Variants in NUMB observed in about 807,000 individuals in gnomAD.
NUMB encodes the protein NUMB endocytic adaptor protein, also known as protein numb homolog.
Under a neutral mutation model 59.7 loss-of-function variants are expected in NUMB, and 29 were observed. The observed-to-expected ratio is 0.49, with a 90% CI of 0.36 to 0.66. The LOEUF (loss-of-function observed/expected upper bound fraction) is 0.66. NUMB is among the 30% of genes least tolerant of loss of function. The pLI, the probability that NUMB is intolerant of heterozygous loss-of-function variation, is 0.00. For synonymous variants in NUMB, 288 were observed against 288.2 expected (o/e 1.00, Z 0.01); for missense variants, 723 against 822.0 (o/e 0.88, Z 1.47).
intron 6 of NUMB, among the ~76,000 whole-genome samples, chr14:73,312,087 T>G (rs2139890268): frequency 1.3e-5 from 2 of 152,136 alleles, no homozygotes; most frequent in African/African-American, 4.8e-5. Flanking sequence ...AAAAAAAAAT[T>G]TTCCCCAATA....
intron 1 of NUMB, among the ~76,000 whole-genome samples, chr14:73,420,149 C>T (rs1897295884): frequency 6.6e-6 from 1 of 152,194 alleles, no homozygotes; most frequent in Non-Finnish European, 1.5e-5. Context: ...GTGTGAGCCA[C>T]GGCACCCAGC....
At chr14:73,445,654 G>A (rs1342442783) in intron 1 of NUMB, among the ~76,000 whole-genome samples, 4 of 152,026 alleles carry the variant, frequency 2.6e-5, no homozygotes, top group Admixed American at 1.3e-4. Flanking sequence ...ACATTTACTG[G>A]GCATTTACTA....
intron 11 of NUMB, among the ~76,000 whole-genome samples, chr14:73,280,789 G>C (rs947768593): frequency 1.3e-5 from 2 of 148,758 alleles, no homozygotes; most frequent in Non-Finnish European, 3.0e-5. Context: ...CGGCTCCCAG[G>C]TTCAAGCAAT....
At chr14:73,377,411 C>T (rs1219945373) in intron 2 of NUMB, among the ~76,000 whole-genome samples, 2 of 152,168 alleles carry the variant, frequency 1.3e-5, no homozygotes, top group African/African-American at 4.8e-5. Flanking sequence ...CCAAGGGGGG[C>T]AGGCAGATCA....
intron 1 of NUMB, among the ~76,000 whole-genome samples, chr14:73,443,050 T>C (rs1883182281): frequency 6.6e-6 from 1 of 152,022 alleles, no homozygotes; most frequent in African/African-American, 2.4e-5. Context: ...TTTGTAGAGA[T>C]GGAGTTTCAC....
chr14:73,364,782 C>T (rs1397240329), intron 3 of NUMB, among the ~76,000 whole-genome samples: 1 of 152,042 alleles, frequency 6.6e-6, no homozygotes, highest in Non-Finnish European at 1.5e-5. Flanking sequence ...GTATGTTGTA[C>T]CTCCACACCT....
intron 2 of NUMB, among the ~76,000 whole-genome samples, chr14:73,383,448 T>C (rs191186798): frequency 8.6e-4 from 131 of 151,822 alleles, no homozygotes; most frequent in African/African-American, 2.8e-3. Context: ...AAGAAAAAGA[T>C]AGAAAATACA....
rs575006048 is a variant in NUMB, at chr14:73,413,523, C to T, written c.-232-3455G>A. Among the ~76,000 whole-genome samples the T allele has an allele frequency of 2.9e-4, 44 of 151,466 alleles. 1 individual carries two copies. In the South Asian group the frequency reaches 7.7e-3, roughly 27 times the overall value. On this transcript the variant is annotated intron_variant, in intron 1 of 12. Coordinates refer to ENST00000555238, the MANE Select transcript of NUMB (RefSeq NM_001005743.2). ...TTGTAATCTCAGCACTTTGGGAGGT[C>T]GAGACGGGTGGATCACCTGAGGTCA...
At chr14:73,401,562 A>AAT (rs1896416182) in intron 2 of NUMB, among the ~76,000 whole-genome samples, 1 of 144,244 alleles carries the variant, frequency 6.9e-6, no homozygotes, top group African/African-American at 2.7e-5. Flanking sequence ...TGTAAGACTA[A>AAT]ATTTTTTTTT....
chr14:73,414,709 T>TG (rs1220399406), intron 1 of NUMB, among the ~76,000 whole-genome samples: 1 of 150,400 alleles, frequency 6.6e-6, no homozygotes, highest in Non-Finnish European at 1.5e-5. Flanking sequence ...CCGGTTTTTC[T>TG]GGGGGCGGGT....
At chr14:73,411,266 CTGAA>C (rs1299768832) in intron 1 of NUMB, among the ~76,000 whole-genome samples, 3 of 152,054 alleles carry the variant, frequency 2.0e-5, no homozygotes, top group Non-Finnish European at 4.4e-5. Flanking sequence ...GTTGCGCAGG[CTGAA>C]TGAATGAGTT....
chr14:73,412,764 G>C (rs1896954916), intron 1 of NUMB, among the ~76,000 whole-genome samples: 1 of 152,008 alleles, frequency 6.6e-6, no homozygotes, highest in Admixed American at 6.6e-5. Flanking sequence ...CAAGTAGCTG[G>C]GACTACAGAC....
At chr14:73,310,072 G>A (rs979031481) in intron 6 of NUMB, among the ~76,000 whole-genome samples, 1 of 152,130 alleles carries the variant, frequency 6.6e-6, no homozygotes, top group Non-Finnish European at 1.5e-5. Context: ...TATTTTTGGT[G>A]ATTTTTATAC....
At position 73,376,480 on chromosome 14, in the gene NUMB, C is replaced by T. The variant is rs76153258; in HGVS notation, c.-100-9499G>A. Among the ~76,000 whole-genome samples, 1,987 of 151,206 alleles carry T rather than the reference C, an allele frequency of 0.013. 97 individuals are homozygous for T. The South Asian group carries it at 0.16, about 12-fold the overall frequency. ...GGTCTTCCCAACTTGGTCAAAATCC[C>T]GACAAGTTATTTTGTGGATACTGAC... On this transcript the variant is annotated intron_variant, in intron 2 of 12. Transcript: ENST00000555238.
chr14:73,338,116 C>A (rs1056629558), intron 4 of NUMB, among the ~76,000 whole-genome samples: 7 of 151,932 alleles, frequency 4.6e-5, no homozygotes, highest in Admixed American at 1.3e-4. Context: ...GAGACCCCCC[C>A]ACCCCCAACC....
rs200927213 is a variant in NUMB, at chr14:73,276,674, C to T, written c.1860G>A (p.Trp620Ter). 1.9e-6 allele frequency: 3 copies of T among 1,614,056 alleles called. No individual in the cohort carries two copies. Among genetic ancestry groups the T allele is most frequent in the African/African-American group, 2.7e-5 (2 of 74,988 alleles). The change falls in exon 13 of 13, where the codon TGG (tryptophan) becomes TGA (stop). Residue 620 changes from tryptophan (W) to a stop codon, truncating the protein, a stop_gained. Transcript: ENST00000555238. LOFTEE classifies it high-confidence loss of function. ...TCPVDPFEAQ[W>*]AALENKSKQR... ...GCTTGGACTTATTTTCTAATGCAGC[C>T]CACTGGGCTTCAAAAGGATCCACTG...
At chr14:73,454,881 C>T (rs1884239998) in intron 1 of NUMB, among the ~76,000 whole-genome samples, 1 of 152,148 alleles carries the variant, frequency 6.6e-6, no homozygotes, top group South Asian at 2.1e-4. Flanking sequence ...ATTCTTCCAT[C>T]ATTTGGTGTA....
chr14:73,352,524 A>C (rs1360090330), intron 4 of NUMB, among the ~76,000 whole-genome samples: 1 of 14,236 alleles, frequency 7.0e-5, no homozygotes, highest in Admixed American at 1.4e-3. Context: ...ATATATATAT[A>C]TATATGTTTT....
chr14:73,334,774 C>T (rs1892199240), intron 4 of NUMB, among the ~76,000 whole-genome samples: 1 of 151,832 alleles, frequency 6.6e-6, no homozygotes, highest in African/African-American at 2.4e-5. Flanking sequence ...GTGAAAAACT[C>T]CGTCTCTACT....
Sources: allele counts gnomAD v4.1 joint callset (sites outside exome capture counted in the v4.1 genomes callset), GRCh38; gene constraint gnomAD v4.1.1; transcripts MANE v1.5; gene names NCBI Gene and HGNC (gene_info 2026-07-23, HGNC 2026-07-21).